DCC: variants seen among roughly 807,000 people sequenced by gnomAD.
DCC encodes DCC netrin 1 receptor.
DCC carries 58 observed loss-of-function variants against 172.5 expected under a neutral mutation model. The ratio of observed to expected loss-of-function variants is 0.34; its 90% CI spans 0.27 to 0.42. The LOEUF (loss-of-function observed/expected upper bound fraction) is 0.42, where lower values mean the gene tolerates loss of function less well. Among genes scored for constraint, DCC ranks in the 10% least tolerant of loss-of-function variants. DCC has a pLI of 1.00. For synonymous variants in DCC, 709 were observed against 644.5 expected (o/e 1.10, Z -1.52); for missense variants, 1,740 against 1,791.0 (o/e 0.97, Z 0.51).
chr18:52,915,985 A>G (rs1433789138), intron 3 of DCC, among the ~76,000 whole-genome samples: 1 of 151,324 alleles, frequency 6.6e-6, no homozygotes, highest in African/African-American at 2.4e-5. Context: ...ATTTATTTTA[A>G]TAATAATATA....
chr18:52,403,206 G>A (rs1158626335), intron 1 of DCC, among the ~76,000 whole-genome samples: 1 of 152,012 alleles, frequency 6.6e-6, no homozygotes, highest in Non-Finnish European at 1.5e-5. Flanking sequence ...ATCTCTACAA[G>A]TAAGCATTCA....
intron 2 of DCC, among the ~76,000 whole-genome samples, chr18:52,830,163 C>G (rs1271538909): frequency 6.6e-6 from 1 of 152,142 alleles, no homozygotes; most frequent in Non-Finnish European, 1.5e-5. Flanking sequence ...CAATAGGAAG[C>G]CAAATAGTAT....
At position 53,400,758 on chromosome 18, in the gene DCC, A is replaced by T. The variant is rs188796477; in HGVS notation, c.2828-2028A>T. Among the ~76,000 whole-genome samples, 347 of 152,292 alleles carry T rather than the reference A, an allele frequency of 2.3e-3. 1 individual carries two copies. Among genetic ancestry groups the T allele is most frequent in the African/African-American group, 7.9e-3 (330 of 41,568 alleles). ...ATTAGATTGGTTGTTAGATTTTTTT[A>T]AATTAAATAACTAATTCTTCATTGT... is the stretch of plus-strand genomic sequence containing the variant. On this transcript the variant is annotated intron_variant, in intron 18 of 28. Coordinates refer to ENST00000442544, the MANE Select transcript of DCC (RefSeq NM_005215.4).
intron 5 of DCC, among the ~76,000 whole-genome samples, chr18:52,993,206 G>T (rs1326270914): frequency 6.6e-6 from 1 of 152,132 alleles, no homozygotes; most frequent in Non-Finnish European, 1.5e-5. Context: ...TTGAAAAGTG[G>T]CTGCAAGGCA....
At chr18:53,066,238 T>C (rs1205145317) in intron 7 of DCC, 72 bp downstream of exon 7, 1 of 1,484,264 alleles carries the variant, frequency 6.7e-7, no homozygotes, top group Non-Finnish European at 9.4e-7. Context: ...AAATCCATAT[T>C]GTTTTTCCTA....
In DCC at chr18:52,858,406, A is replaced by G. The variant is rs1019142687; in HGVS notation, c.413-47638A>G. On this transcript the variant is annotated intron_variant, in intron 2 of 28. Transcript: ENST00000442544. ...ACAATTCCAGCAGTACTCAGTTAGGAGGAGATTTTATTTGGAACTCACAAC... is the reference window on the plus strand; with the variant it reads ...ACAATTCCAGCAGTACTCAGTTAGGGGGAGATTTTATTTGGAACTCACAAC... 5.3e-5 allele frequency among the ~76,000 whole-genome samples: 8 copies of G among 152,142 alleles called. No individual in the cohort carries two copies. The South Asian group carries it at 6.2e-4, about 12-fold the overall frequency.
At chr18:52,368,287 A>G (rs1984965662) in intron 1 of DCC, among the ~76,000 whole-genome samples, 1 of 152,088 alleles carries the variant, frequency 6.6e-6, no homozygotes, top group Admixed American at 6.5e-5. Context: ...CATGTTCTTA[A>G]TATCATGGGT....
intron 12 of DCC, among the ~76,000 whole-genome samples, chr18:53,244,790 T>C (rs1435380466): frequency 6.6e-6 from 1 of 152,092 alleles, no homozygotes; most frequent in African/African-American, 2.4e-5. Flanking sequence ...AAGTCACAAT[T>C]TGGAATCTGG....
At position 53,501,298 on chromosome 18, in the gene DCC, GAC is replaced by G. The variant is rs369353652; in HGVS notation, c.4111+1792_4111+1793del. On this transcript the variant is annotated intron_variant, in intron 27 of 28. Transcript: ENST00000442544. Reference sequence around the variant, plus strand: ...CCCATTTTAGGCACAAGGAAACTGAGACACAGAGAATTTAAGTAGCTTAAGTC... The same window carrying G: ...CCCATTTTAGGCACAAGGAAACTGAGACAGAGAATTTAAGTAGCTTAAGTC... Among the ~76,000 whole-genome samples, 819 of 152,270 alleles carry G rather than the reference GAC, an allele frequency of 5.4e-3. 5 individuals carry two copies. Among genetic ancestry groups the G allele is most frequent in the African/African-American group, 0.019 (770 of 41,554 alleles).
At chr18:53,068,793 GTGTGTA>G (rs1285952391) in intron 7 of DCC, among the ~76,000 whole-genome samples, 2 of 151,226 alleles carry the variant, frequency 1.3e-5, no homozygotes, top group Admixed American at 6.6e-5. Flanking sequence ...GTGTGTGTGT[GTGTGTA>G]TGTGTATGTG....
chr18:52,807,019 C>A (rs1252256988), intron 2 of DCC, among the ~76,000 whole-genome samples: 7 of 152,090 alleles, frequency 4.6e-5, no homozygotes, highest in Non-Finnish European at 1.0e-4. Context: ...ATGGTGAAAC[C>A]GTATCTCTAC....
intron 1 of DCC, among the ~76,000 whole-genome samples, chr18:52,621,154 C>G (rs1455035537): frequency 2.6e-5 from 4 of 152,336 alleles, no homozygotes; most frequent in African/African-American, 4.8e-5. Flanking sequence ...ACTACCACTG[C>G]TTTTTATGTT....
At chr18:53,474,251 T>A (rs1447426559) in intron 25 of DCC, among the ~76,000 whole-genome samples, 1 of 152,198 alleles carries the variant, frequency 6.6e-6, no homozygotes, top group African/African-American at 2.4e-5. Flanking sequence ...TATAGTATAT[T>A]CATATAGTGG....
At chr18:53,329,531 G>T (rs1271973336) in intron 14 of DCC, among the ~76,000 whole-genome samples, 1 of 151,640 alleles carries the variant, frequency 6.6e-6, no homozygotes, top group Non-Finnish European at 1.5e-5. Flanking sequence ...TAATATCTAG[G>T]ACTAAATTTA....
At chr18:52,984,805 A>T (rs1363143446) in intron 5 of DCC, among the ~76,000 whole-genome samples, 1 of 152,090 alleles carries the variant, frequency 6.6e-6, no homozygotes, top group East Asian at 1.9e-4. Flanking sequence ...CTTTTTCCCC[A>T]AGTATGTGCC....
chr18:53,279,637 TAAAGTA>T (rs897972255), intron 12 of DCC, among the ~76,000 whole-genome samples: 5 of 90,758 alleles, frequency 5.5e-5, no homozygotes, highest in Admixed American at 3.0e-4. Flanking sequence ...CCCTAAAACT[TAAAGTA>T]TAATAAAAAA....
intron 5 of DCC, among the ~76,000 whole-genome samples, chr18:52,948,592 A>G (rs2040586556): frequency 6.6e-6 from 1 of 152,128 alleles, no homozygotes; most frequent in South Asian, 2.1e-4. Context: ...TGCCTACATC[A>G]CTGATAGATG....
chr18:53,022,980 C>A (rs1172748405), intron 5 of DCC, among the ~76,000 whole-genome samples: 2 of 151,988 alleles, frequency 1.3e-5, no homozygotes, highest in African/African-American at 4.8e-5. Context: ...GTATTAATAC[C>A]ACACAAATAG....
intron 1 of DCC, among the ~76,000 whole-genome samples, chr18:52,698,415 C>G (rs1459043509): frequency 6.6e-6 from 1 of 152,138 alleles, no homozygotes; most frequent in African/African-American, 2.4e-5. Flanking sequence ...TACCCAGTTG[C>G]TTTCAGGGAA....
Sources: allele counts gnomAD v4.1 joint callset (sites outside exome capture counted in the v4.1 genomes callset), GRCh38; gene constraint gnomAD v4.1.1; transcripts MANE v1.5; gene names NCBI Gene and HGNC (gene_info 2026-07-23, HGNC 2026-07-21).